MTMR12: variants seen among roughly 807,000 people sequenced by gnomAD.
MTMR12 encodes myotubularin related protein 12.
A neutral mutation model predicts 96.7 loss-of-function variants in MTMR12; 33 were observed. The ratio of observed to expected loss-of-function variants is 0.34; its 90% CI spans 0.26 to 0.46. MTMR12 has a LOEUF of 0.46. Ranked by LOEUF, MTMR12 falls within the 20% of genes least tolerant of loss-of-function variation. The pLI, the probability that MTMR12 is intolerant of heterozygous loss-of-function variation, is 1.00. For synonymous variants in MTMR12, 298 were observed against 327.2 expected (o/e 0.91, Z 0.96); for missense variants, 721 against 896.1 (o/e 0.80, Z 2.49).
At chr5:32,306,960 G>A (rs970158641) in intron 1 of MTMR12, among the ~76,000 whole-genome samples, 2 of 152,086 alleles carry the variant, frequency 1.3e-5, no homozygotes, top group Admixed American at 6.6e-5. Context: ...CCCTCTGAAA[G>A]CTAAATTTTG....
chr5:32,306,006 C>A (rs141956279), intron 1 of MTMR12, among the ~76,000 whole-genome samples: 5 of 151,940 alleles, frequency 3.3e-5, no homozygotes, highest in Admixed American at 2.0e-4. Context: ...TGAAAACAAC[C>A]AAGAGATCCC....
intron 1 of MTMR12, among the ~76,000 whole-genome samples, chr5:32,285,345 G>C (rs1158645505): frequency 7.4e-6 from 1 of 135,868 alleles, no homozygotes; most frequent in Non-Finnish European, 1.6e-5. Flanking sequence ...GTGACAGAGC[G>C]AGATTCCATT....
At chr5:32,238,424 G>A (rs192047202) in intron 13 of MTMR12, among the ~76,000 whole-genome samples, 154 of 151,988 alleles carry the variant, frequency 1.0e-3, no homozygotes, top group African/African-American at 3.7e-3. Context: ...TGTTGCCCAG[G>A]CTGGTTTCAA....
intron 7 of MTMR12, among the ~76,000 whole-genome samples, chr5:32,258,907 A>C (rs1284353701): frequency 2.1e-5 from 3 of 142,476 alleles, no homozygotes; most frequent in Non-Finnish European, 4.4e-5. Flanking sequence ...TTTCACAAAA[A>C]AAAAAAAAAA....
intron 1 of MTMR12, among the ~76,000 whole-genome samples, chr5:32,311,734 C>T (rs1479593623): frequency 6.6e-6 from 1 of 152,214 alleles, no homozygotes; most frequent in Non-Finnish European, 1.5e-5. Flanking sequence ...TGTCCATGGG[C>T]CTCTGCCATG....
chr5:32,247,887 T>C, intron 10 of MTMR12, 115 bp downstream of exon 10: 1 of 1,465,462 alleles, frequency 6.8e-7, no homozygotes, highest in Non-Finnish European at 9.1e-7. Flanking sequence ...ATCACAGCCC[T>C]GGGCTCTGCG....
chr5:32,259,553 C>T (rs1749275387), intron 7 of MTMR12, among the ~76,000 whole-genome samples: 1 of 152,198 alleles, frequency 6.6e-6, no homozygotes, highest in Admixed American at 6.5e-5. Context: ...ACACTGAGGA[C>T]ATAACAATGG....
At chr5:32,247,630 A>G (rs1246229820) in intron 10 of MTMR12, 4 of 667,448 alleles carry the variant, frequency 6.0e-6, no homozygotes, top group East Asian at 2.7e-4. Context: ...AAAAGTCTAC[A>G]GAGGAAAACG....
chr5:32,237,517 CT>C (rs146753549), intron 13 of MTMR12, among the ~76,000 whole-genome samples: 3 of 149,062 alleles, frequency 2.0e-5, no homozygotes, highest in Non-Finnish European at 3.0e-5. Context: ...GTGCTTTCTT[CT>C]TTTTTTTTTG....
chr5:32,310,031 A>T (rs1431205284), intron 1 of MTMR12, among the ~76,000 whole-genome samples: 1 of 152,166 alleles, frequency 6.6e-6, no homozygotes, highest in Non-Finnish European at 1.5e-5. Context: ...AAAGGAAATC[A>T]GGGCCAGGCA....
At chr5:32,242,778 T>C (rs912554195) in intron 11 of MTMR12, among the ~76,000 whole-genome samples, 2 of 151,986 alleles carry the variant, frequency 1.3e-5, no homozygotes, top group African/African-American at 4.8e-5. Flanking sequence ...CCATAACATT[T>C]ATCCCTGTCT....
intron 6 of MTMR12, among the ~76,000 whole-genome samples, chr5:32,263,727 C>T (rs776503382): frequency 6.6e-6 from 1 of 152,122 alleles, no homozygotes; most frequent in Non-Finnish European, 1.5e-5. Flanking sequence ...AGTGAGCCAT[C>T]GCGCCAGGCC....
chr5:32,252,402 TTGAC>T (rs1461407826), intron 8 of MTMR12, among the ~76,000 whole-genome samples: 1 of 152,242 alleles, frequency 6.6e-6, no homozygotes, highest in Non-Finnish European at 1.5e-5. Context: ...AAATGAAAGA[TTGAC>T]TGTTCATAAT....
At chr5:32,266,515 C>G (rs1195918679) in intron 6 of MTMR12, among the ~76,000 whole-genome samples, 1 of 151,836 alleles carries the variant, frequency 6.6e-6, no homozygotes, top group Non-Finnish European at 1.5e-5. Context: ...TAGTGAAACC[C>G]TGTCTCTACC....
In MTMR12 at chr5:32,233,143, C is replaced by G. The variant is rs1561735478; in HGVS notation, c.1674+630G>C. On this transcript the variant is annotated intron_variant, in intron 15 of 15. Transcript: ENST00000382142. The surrounding 1 kb of genome is among the most constrained non-coding windows in gnomAD (Gnocchi z 5.0). ...AAACTGGCCACCCCTCCGGCCAAAT[C>G]TGGCCTGGCGCCTGTTCTCGTAAAC... is the stretch of plus-strand genomic sequence containing the variant. 2.8e-6 allele frequency: 1 copy of G among 360,350 alleles called. No individual in the cohort carries two copies. The highest frequency in any genetic ancestry group is 6.5e-5 in the Admixed American group (1 of 15,468). 22.3% of individuals were successfully genotyped at this position (360,350 alleles called of 1,614,324 possible).
chr5:32,241,794 A>C (rs1397084338), intron 12 of MTMR12, among the ~76,000 whole-genome samples: 1 of 152,262 alleles, frequency 6.6e-6, no homozygotes, highest in African/African-American at 2.4e-5. Flanking sequence ...CAAAACATTA[A>C]GAAATGTGAG....
intron 8 of MTMR12, among the ~76,000 whole-genome samples, chr5:32,251,163 C>T (rs1748906476): frequency 6.7e-6 from 1 of 149,558 alleles, no homozygotes; most frequent in African/African-American, 2.5e-5. Flanking sequence ...TCACGCCATT[C>T]TCCTGCCTCA....
chr5:32,257,767 CAAAA>C (rs1319586632), intron 7 of MTMR12, among the ~76,000 whole-genome samples: 5 of 150,194 alleles, frequency 3.3e-5, no homozygotes, highest in East Asian at 3.9e-4. Context: ...AACTCTGTCT[CAAAA>C]AAACAAACAA....
chr5:32,274,820 C>A (rs1359825157), intron 2 of MTMR12, among the ~76,000 whole-genome samples: 1 of 152,132 alleles, frequency 6.6e-6, no homozygotes, highest in Admixed American at 6.6e-5. Flanking sequence ...ACCCAGCCGA[C>A]GTGAGAAGCT....
Sources: allele counts gnomAD v4.1 joint callset (sites outside exome capture counted in the v4.1 genomes callset), GRCh38; gene constraint gnomAD v4.1.1; non-coding constraint Gnocchi (gnomAD v3.1); transcripts MANE v1.5; gene names NCBI Gene and HGNC (gene_info 2026-07-23, HGNC 2026-07-21).